The following CCDC191 variants were observed in gnomAD, a reference collection of about 807,000 sequenced individuals.
CCDC191 encodes the protein coiled-coil domain containing 191.
CCDC191 carries 99 observed loss-of-function variants against 114.0 expected under a neutral mutation model. The ratio of observed to expected loss-of-function variants is 0.87; its 90% CI spans 0.74 to 1.03. CCDC191 has a LOEUF of 1.03. CCDC191 is among the 50% of genes least tolerant of loss of function. CCDC191 has a pLI of 0.00. For missense variants in CCDC191, 973 were observed against 1,087.0 expected (o/e 0.90, Z 1.47); for synonymous variants, 351 against 376.0 (o/e 0.93, Z 0.77).
chr3:114,024,771 G>A (rs370393908), intron 7 of CCDC191, among the ~76,000 whole-genome samples: 5 of 151,922 alleles, frequency 3.3e-5, no homozygotes, highest in African/African-American at 4.8e-5. Context: ...TAATGGGTGC[G>A]GCACACCAAC....
At chr3:114,021,058 G>C (rs1442557662) in intron 7 of CCDC191, among the ~76,000 whole-genome samples, 2 of 152,010 alleles carry the variant, frequency 1.3e-5, no homozygotes, top group Admixed American at 1.3e-4. Flanking sequence ...TACACCTAAG[G>C]CTGAAACTGA....
chr3:114,022,325 C>G (rs1016897626), intron 7 of CCDC191, among the ~76,000 whole-genome samples: 1 of 152,128 alleles, frequency 6.6e-6, no homozygotes, highest in South Asian at 2.1e-4. Flanking sequence ...CAGCAATTTG[C>G]TATCTAATCT....
intron 7 of CCDC191, among the ~76,000 whole-genome samples, chr3:114,022,279 A>T (rs919260641): frequency 6.6e-6 from 1 of 152,172 alleles, no homozygotes; most frequent in Non-Finnish European, 1.5e-5. Context: ...GTGTAATCAC[A>T]CTACTGTCAC....
rs141275125 is a variant in CCDC191 at position 113,979,279 on chromosome 3, G to C, written c.2308-269C>G. On this transcript the variant is annotated intron_variant, in intron 14 of 16. Coordinates refer to ENST00000295878, the MANE Select transcript of CCDC191 (RefSeq NM_020817.2). ...TGGAAATGGAACAACCAACCTCTAA[G>C]CCATTACTTCACTTCCCCTGAGTTT... 2.6e-5 allele frequency among the ~76,000 whole-genome samples: 4 copies of C among 152,258 alleles called. No individual in the cohort carries two copies. The East Asian group carries it at 7.7e-4, about 29-fold the overall frequency.
chr3:113,972,924 C>T (rs572021530), intron 16 of CCDC191, among the ~76,000 whole-genome samples: 2 of 152,160 alleles, frequency 1.3e-5, no homozygotes, highest in South Asian at 2.1e-4. Context: ...CTTTTTCTAT[C>T]TCTTTCAGTC....
intron 8 of CCDC191, 57 bp downstream of exon 8, chr3:114,018,621 C>T: frequency 7.2e-7 from 1 of 1,379,748 alleles, no homozygotes; most frequent in South Asian, 1.4e-5. Context: ...GTGGATTCTT[C>T]AGGAGGGAAA....
At chr3:113,965,651 G>A (rs922549567) in intron 16 of CCDC191, among the ~76,000 whole-genome samples, 1 of 152,134 alleles carries the variant, frequency 6.6e-6, no homozygotes, top group Non-Finnish European at 1.5e-5. Context: ...GTGCAGTGGT[G>A]CAATCTCGGC....
At chr3:114,043,853 A>G (rs757635201) in intron 3 of CCDC191, among the ~76,000 whole-genome samples, 2 of 152,194 alleles carry the variant, frequency 1.3e-5, no homozygotes, top group Non-Finnish European at 2.9e-5. Flanking sequence ...TGGAGTTGAC[A>G]TGACTTGCTA....
At chr3:114,003,417 T>C in intron 11 of CCDC191, 1 of 985,400 alleles carries the variant, frequency 1.0e-6, no homozygotes, top group Non-Finnish European at 1.2e-6. Context: ...TCTGCTTTGC[T>C]GAAAAAGAAT....
chr3:113,979,476 C>T (rs1233670299), intron 14 of CCDC191, among the ~76,000 whole-genome samples: 1 of 152,168 alleles, frequency 6.6e-6, no homozygotes, highest in Non-Finnish European at 1.5e-5. Context: ...TAGACATTAT[C>T]AATAAACCAC....
intron 13 of CCDC191, among the ~76,000 whole-genome samples, chr3:113,992,569 G>T (rs911404522): frequency 6.6e-6 from 1 of 152,052 alleles, no homozygotes; most frequent in African/African-American, 2.4e-5. Flanking sequence ...TTTAAACGGG[G>T]ACTGTTGTGG....
intron 1 of CCDC191, chr3:114,054,108 A>G (rs2076733809): frequency 6.6e-6 from 1 of 152,404 alleles, no homozygotes; most frequent in Non-Finnish European, 1.5e-5. Flanking sequence ...TCTTACCCAG[A>G]TCAGGGATCT....
chr3:113,969,543 G>A (rs1202046010), intron 16 of CCDC191, among the ~76,000 whole-genome samples: 1 of 152,148 alleles, frequency 6.6e-6, no homozygotes, highest in Non-Finnish European at 1.5e-5. Flanking sequence ...AGAGAAAGGG[G>A]TCTCATTTCA....
At chr3:114,036,813 G>A in intron 4 of CCDC191, 27 bp from the exon 5 acceptor site, 2 of 1,452,022 alleles carry the variant, frequency 1.4e-6, no homozygotes, top group Non-Finnish European at 1.8e-6. Context: ...AACAAAAAAG[G>A]GAATTTTTTT....
intron 7 of CCDC191, 110 bp downstream of exon 7, chr3:114,031,516 A>G: frequency 1.1e-6 from 1 of 903,446 alleles, no homozygotes; most frequent in Non-Finnish European, 1.8e-6. Context: ...CAGTTTTGGT[A>G]TTTGTGATGA....
chr3:114,018,608 T>G, intron 8 of CCDC191, 70 bp downstream of exon 8: 1 of 1,271,322 alleles, frequency 7.9e-7, no homozygotes, highest in Non-Finnish European at 1.1e-6. Flanking sequence ...GTAAAGTTTA[T>G]TTGTGGATTC....
At chr3:114,004,833 A>G in intron 10 of CCDC191, 87 bp from the exon 11 acceptor site, 1 of 1,389,180 alleles carries the variant, frequency 7.2e-7, no homozygotes, top group Non-Finnish European at 9.8e-7. Flanking sequence ...AGCCTTTTAC[A>G]GACCTTAATG....
At chr3:114,010,067 G>A (rs1194360904) in intron 9 of CCDC191, among the ~76,000 whole-genome samples, 2 of 152,006 alleles carry the variant, frequency 1.3e-5, no homozygotes, top group Non-Finnish European at 2.9e-5. Context: ...TTGCAGAAGT[G>A]TATGTAATGA....
intron 6 of CCDC191, among the ~76,000 whole-genome samples, 188 bp downstream of exon 6, chr3:114,034,737 T>C (rs1182878170): frequency 6.6e-6 from 1 of 152,190 alleles, no homozygotes; most frequent in African/African-American, 2.4e-5. Context: ...TAATTAAGTA[T>C]GGAAAGGGAC....
Sources: gnomAD v4.1 joint callset for allele counts (sites outside exome capture counted in the v4.1 genomes callset) on GRCh38, gnomAD v4.1.1 for gene constraint, MANE v1.5 for transcripts, NCBI Gene and HGNC (gene_info 2026-07-23, HGNC 2026-07-21) for gene names.